The following XKR4 variants were observed in gnomAD, a reference collection of about 807,000 sequenced individuals.
The protein encoded by XKR4 is XK-related protein 4.
Under a neutral mutation model 53.9 loss-of-function variants are expected in XKR4, and 12 were observed. The ratio of observed to expected loss-of-function variants is 0.22; its 90% CI spans 0.14 to 0.36. The LOEUF is 0.36. XKR4 is among the 10% of genes least tolerant of loss of function. XKR4 has a pLI of 1.00. For missense variants in XKR4, 799 were observed against 859.5 expected, an observed-to-expected ratio of 0.93 and a Z score of 0.88; for synonymous variants, 354 against 362.4, an observed-to-expected ratio of 0.98 and a Z score of 0.26.
chr8:55,224,884 A>T (rs1427605868), intron 1 of XKR4, among the ~76,000 whole-genome samples: 2 of 152,204 alleles, frequency 1.3e-5, no homozygotes, highest in Non-Finnish European at 2.9e-5. Flanking sequence ...AATGGCATTT[A>T]CTGTGCGTGA....
chr8:55,365,604 G>A (rs1380435548), intron 2 of XKR4, among the ~76,000 whole-genome samples: 2 of 151,794 alleles, frequency 1.3e-5, no homozygotes, highest in African/African-American at 4.8e-5. Flanking sequence ...CTACTTGGGA[G>A]GCTGAGGCAG....
intron 2 of XKR4, among the ~76,000 whole-genome samples, chr8:55,471,307 A>C: frequency 6.6e-6 from 1 of 152,082 alleles, no homozygotes; most frequent in East Asian, 1.9e-4. Context: ...ACAAGTAGGA[A>C]AGGATTAGAG....
intron 2 of XKR4, among the ~76,000 whole-genome samples, chr8:55,443,121 A>G (rs1467177765): frequency 1.3e-5 from 2 of 152,186 alleles, no homozygotes; most frequent in Non-Finnish European, 2.9e-5. Context: ...TACACAACTA[A>G]TTTATCATGC....
intron 1 of XKR4, among the ~76,000 whole-genome samples, chr8:55,293,601 A>G (rs1011193862): frequency 1.7e-4 from 26 of 152,292 alleles, no homozygotes; most frequent in African/African-American, 6.0e-4. Context: ...TTATGATTTG[A>G]TTTTAGTAAA....
chr8:55,281,703 A>G (rs1818846983), intron 1 of XKR4, among the ~76,000 whole-genome samples: 1 of 152,158 alleles, frequency 6.6e-6, no homozygotes, highest in Admixed American at 6.5e-5. Flanking sequence ...GAAATGCTTT[A>G]AGTAATTTCT....
At chr8:55,455,184 C>T in intron 2 of XKR4, 1 of 497,560 alleles carries the variant, frequency 2.0e-6, no homozygotes. Flanking sequence ...GACTCGAGGG[C>T]TGCGCGCTCA....
chr8:55,405,463 G>A (rs996091184), intron 2 of XKR4, among the ~76,000 whole-genome samples: 2 of 152,204 alleles, frequency 1.3e-5, no homozygotes, highest in African/African-American at 2.4e-5. Flanking sequence ...GAGGAGAGCC[G>A]AGAGACGCAG....
Position 55,528,740 on chromosome 8 carries a change from C to G in XKR4, c.*4513C>G, listed in dbSNP as rs944889923. 6.6e-6 allele frequency: 1 copy of G among 152,102 alleles called. No homozygotes were observed. Among genetic ancestry groups the G allele is most frequent in the Non-Finnish European group, 1.5e-5 (1 of 68,022 alleles). The allele number at this position is 152,102 out of a possible 1,614,324, so 9.4% of individuals were successfully genotyped here. On this transcript the variant is annotated 3_prime_UTR_variant, in exon 3 of 3. Transcript: ENST00000327381. ...TCAGTGACAGATGCAGATCAACGTTCCTTTGTCTCGGCAATCCAATGTCAT... is the reference window on the plus strand; with the variant it reads ...TCAGTGACAGATGCAGATCAACGTTGCTTTGTCTCGGCAATCCAATGTCAT...
intron 1 of XKR4, among the ~76,000 whole-genome samples, chr8:55,302,227 T>G (rs1180014027): frequency 6.6e-6 from 1 of 152,244 alleles, no homozygotes; most frequent in African/African-American, 2.4e-5. Flanking sequence ...CAGCCAGTTT[T>G]CCCAGCACCA....
chr8:55,227,639 G>C (rs1563487866), intron 1 of XKR4, among the ~76,000 whole-genome samples: 1 of 152,232 alleles, frequency 6.6e-6, no homozygotes, highest in Non-Finnish European at 1.5e-5. Context: ...TGGCTGAGCT[G>C]CCTGACTCAT....
chr8:55,422,204 C>G (rs777337538), intron 2 of XKR4, among the ~76,000 whole-genome samples: 1 of 152,188 alleles, frequency 6.6e-6, no homozygotes, highest in Non-Finnish European at 1.5e-5. Flanking sequence ...GGCAGATATT[C>G]ATCACCTACA....
chr8:55,267,221 A>G (rs1818619028), intron 1 of XKR4, among the ~76,000 whole-genome samples: 1 of 151,466 alleles, frequency 6.6e-6, no homozygotes. Flanking sequence ...TATCCAAACT[A>G]GAGAAAAAAA....
chr8:55,215,893 C>T (rs1380147562), intron 1 of XKR4, among the ~76,000 whole-genome samples: 4 of 152,196 alleles, frequency 2.6e-5, no homozygotes, highest in Admixed American at 1.3e-4. Context: ...TGCAAGAACA[C>T]AAAATAAATA....
intron 1 of XKR4, among the ~76,000 whole-genome samples, chr8:55,331,433 T>C (rs918387076): frequency 9.9e-5 from 15 of 152,220 alleles, no homozygotes; most frequent in Non-Finnish European, 7.3e-5. Flanking sequence ...TCTACCGTTG[T>C]TGGGTGGAGT....
chr8:55,493,184 G>A (rs749710727), intron 2 of XKR4, among the ~76,000 whole-genome samples: 6 of 152,208 alleles, frequency 3.9e-5, no homozygotes, highest in Non-Finnish European at 2.9e-5. Context: ...AAATGTGGGA[G>A]CTAAAGGAGC....
intron 2 of XKR4, among the ~76,000 whole-genome samples, chr8:55,493,498 C>A (rs564969600): frequency 1.3e-5 from 2 of 152,286 alleles, no homozygotes; most frequent in African/African-American, 4.8e-5. Context: ...ACAAGGAATC[C>A]CAACTGAGCA....
intron 2 of XKR4, among the ~76,000 whole-genome samples, chr8:55,425,294 A>G (rs544733687): frequency 6.6e-6 from 1 of 152,340 alleles, no homozygotes; most frequent in East Asian, 1.9e-4. Context: ...TGTAGCATCA[A>G]TGCCAATTCT....
At position 55,531,892 on chromosome 8, in the gene XKR4, A is replaced by G. The variant is rs754922484; in HGVS notation, c.*7665A>G. ...CCTTTCCTCCAATGCCCAGAAGAGC[A>G]GCACTGTGCTGCGTGACAATTTCAG... On this transcript the variant is annotated 3_prime_UTR_variant, in exon 3 of 3. Coordinates refer to ENST00000327381, the MANE Select transcript of XKR4 (RefSeq NM_052898.2). 3.9e-5 allele frequency: 6 copies of G among 152,412 alleles called. No individual in the cohort carries two copies. Among genetic ancestry groups the G allele is most frequent in the Non-Finnish European group, 7.3e-5 (5 of 68,046 alleles). The allele number at this position is 152,412 out of a possible 1,614,324, so 9.4% of individuals were successfully genotyped here.
chr8:55,408,948 A>G (rs1804733947), intron 2 of XKR4, among the ~76,000 whole-genome samples: 1 of 149,260 alleles, frequency 6.7e-6, no homozygotes. Context: ...CAGAGGTTGC[A>G]GTGAGCCGAG....
Sources: gnomAD v4.1 joint callset for allele counts (sites outside exome capture counted in the v4.1 genomes callset) on GRCh38, gnomAD v4.1.1 for gene constraint, MANE v1.5 for transcripts, NCBI Gene and HGNC (gene_info 2026-07-23, HGNC 2026-07-21) for gene names.